Variants in WNT7B observed in about 807,000 individuals in gnomAD.
WNT7B encodes the protein protein Wnt-7b.
Under a neutral mutation model 38.2 loss-of-function variants are expected in WNT7B, and 19 were observed. The observed-to-expected ratio is 0.50, with a 90% CI of 0.35 to 0.73. The LOEUF is 0.73. Among genes scored for constraint, WNT7B ranks in the 30% least tolerant of loss-of-function variants. WNT7B has a pLI of 0.01. For synonymous variants in WNT7B, 243 were observed against 209.3 expected, an observed-to-expected ratio of 1.16 and a Z score of -1.39; for missense variants, 423 against 507.9, an observed-to-expected ratio of 0.83 and a Z score of 1.61.
intron 1 of WNT7B, among the ~76,000 whole-genome samples, chr22:45,960,664 G>A (rs1932175780): frequency 6.6e-6 from 1 of 152,222 alleles, no homozygotes; most frequent in South Asian, 2.1e-4. Flanking sequence ...GCATCTTCTG[G>A]CAAAAATATC....
At chr22:45,948,827 CTTTTTTTTTTTTTTTTTTTT>C (rs749735538) in intron 2 of WNT7B, among the ~76,000 whole-genome samples, 2 of 90,102 alleles carry the variant, frequency 2.2e-5, no homozygotes, top group Non-Finnish European at 4.3e-5. Context: ...CCAAAGATCC[CTTTTTTTTTTTTTTTTTTTT>C]TTTTTTTTTT....
At chr22:45,959,883 C>T (rs1009441269) in intron 1 of WNT7B, among the ~76,000 whole-genome samples, 2 of 152,198 alleles carry the variant, frequency 1.3e-5, no homozygotes. Flanking sequence ...CTTCCTGGAA[C>T]CCAGCTGGAG....
chr22:45,962,461 C>A (rs1270968408), intron 1 of WNT7B, among the ~76,000 whole-genome samples: 1 of 152,198 alleles, frequency 6.6e-6, no homozygotes, highest in African/African-American at 2.4e-5. Context: ...CCTCCAGGGG[C>A]AGGTACCTTG....
intron 2 of WNT7B, among the ~76,000 whole-genome samples, chr22:45,939,654 C>CACAT (rs1333188722): frequency 6.6e-6 from 1 of 151,832 alleles, no homozygotes; most frequent in African/African-American, 2.4e-5. Context: ...CACACTCACA[C>CACAT]ACACACACAC....
At chr22:45,971,788 G>A (rs1932446378) in intron 1 of WNT7B, among the ~76,000 whole-genome samples, 1 of 152,194 alleles carries the variant, frequency 6.6e-6, no homozygotes, top group Non-Finnish European at 1.5e-5. Context: ...TTAATATGGG[G>A]AGGGGTCCCC....
At position 45,922,964 on chromosome 22, in the gene WNT7B, G is replaced by A. The variant is rs780684809; in HGVS notation, c.942C>T (p.Asn314=). 5 of 1,613,426 alleles carry A rather than the reference G, an allele frequency of 3.1e-6. No homozygotes were observed. The South Asian group carries it at 3.3e-5, about 11-fold the overall frequency. The change falls in exon 4 of 4, where the codon AAC becomes AAT. Residue 314 remains asparagine, a synonymous_variant. Coordinates refer to ENST00000339464, the MANE Select transcript of WNT7B (RefSeq NM_058238.3). The stretch of plus-strand genomic sequence containing the variant: ...GCCACACCTTGGTGTACTGGTGGGT[G>A]TTGTAGCCTCGGCCGCAGCACATGG... ...CDTMCCGRGY[N]THQYTKVWQC...
rs1932536364 is a variant in WNT7B at position 45,975,726 on chromosome 22, C to CGGCGCACAGTA, written c.71+947_71+957dup. 1 of 457,294 alleles carries CGGCGCACAGTA rather than the reference C, an allele frequency of 2.2e-6. No homozygotes were observed. The highest frequency in any genetic ancestry group is 4.1e-5 in the South Asian group (1 of 24,556). The allele number at this position is 457,294 out of a possible 1,614,324, so 28.3% of individuals were successfully genotyped here. Reference sequence around the variant, plus strand: ...ACGGGGCTCGCCTCGGGGCAGCCGGCGGCGCACAGTAGGCGCGCAGGGCGC... The same window carrying CGGCGCACAGTA: ...ACGGGGCTCGCCTCGGGGCAGCCGGCGGCGCACAGTAGGCGCACAGTAGGCGCGCAGGGCGC... On this transcript the variant is annotated intron_variant, in intron 1 of 3. Coordinates refer to ENST00000339464, the MANE Select transcript of WNT7B (RefSeq NM_058238.3). The surrounding 1 kb of genome is among the most constrained non-coding windows in gnomAD (Gnocchi z 6.6).
chr22:45,933,104 C>T lies in WNT7B; in HGVS notation c.299-1735G>A, dbSNP rs557469537. Among the ~76,000 whole-genome samples the T allele has an allele frequency of 4.1e-4, 62 of 152,284 alleles. 1 individual carries two copies. Among genetic ancestry groups the T allele is most frequent in the African/African-American group, 1.4e-3 (60 of 41,566 alleles). ...CCTCTTCCCCTAGGGTATCTTCCAT[C>T]AGGGTGAGGACTGGGATGGGGCCCA... On this transcript the variant is annotated intron_variant, in intron 2 of 3. Transcript: ENST00000339464.
chr22:45,964,678 G>A (rs897722662), intron 1 of WNT7B, among the ~76,000 whole-genome samples: 1 of 152,160 alleles, frequency 6.6e-6, no homozygotes, highest in Non-Finnish European at 1.5e-5. Flanking sequence ...CACAGGCTCT[G>A]CCACCCCTGG....
At position 45,964,859 on chromosome 22, in the gene WNT7B, C is replaced by T. The variant is rs181618745; in HGVS notation, c.71+11825G>A. On this transcript the variant is annotated intron_variant, in intron 1 of 3. Coordinates refer to ENST00000339464, the MANE Select transcript of WNT7B (RefSeq NM_058238.3). The stretch of plus-strand genomic sequence containing the variant: ...CTGGCCAAGCACACTCCCTTGGCAC[C>T]GCTGCCACCAGATGGTCCTACAGAC... 4.6e-4 allele frequency among the ~76,000 whole-genome samples: 70 copies of T among 152,298 alleles called. 2 individuals carry two copies. The highest frequency in any genetic ancestry group is 2.6e-3 in the Admixed American group (40 of 15,306).
At chr22:45,970,606 T>C (rs960048993) in intron 1 of WNT7B, among the ~76,000 whole-genome samples, 8 of 150,304 alleles carry the variant, frequency 5.3e-5, no homozygotes, top group African/African-American at 2.0e-4. Context: ...CACCTCTCTA[T>C]GAACACCGAA....
chr22:45,962,899 G>A (rs2146746689), intron 1 of WNT7B, among the ~76,000 whole-genome samples: 2 of 152,362 alleles, frequency 1.3e-5, no homozygotes, highest in Middle Eastern at 6.8e-3. Flanking sequence ...GAGAGAGCTG[G>A]CAGGCCCCAT....
intron 3 of WNT7B, among the ~76,000 whole-genome samples, chr22:45,924,589 C>T (rs983393932): frequency 3.3e-5 from 5 of 152,228 alleles, no homozygotes; most frequent in Admixed American, 6.5e-5. Context: ...TCAACATGAG[C>T]GAAGGTCTGG....
Position 45,965,347 on chromosome 22 carries a change from G to A in WNT7B, c.71+11337C>T, listed in dbSNP as rs910368758. Among the ~76,000 whole-genome samples the A allele has an allele frequency of 6.6e-5, 10 of 152,318 alleles. No homozygotes were observed. The highest frequency in any genetic ancestry group is 2.1e-4 in the South Asian group (1 of 4,824). ...TGTCAACGACGCTGGAAGGCAGGGC[G>A]GTAGGGACTTTCCTTCCCAGTCACA... On this transcript the variant is annotated intron_variant, in intron 1 of 3. Coordinates refer to ENST00000339464, the MANE Select transcript of WNT7B (RefSeq NM_058238.3). This position sits in a 1 kb window ranked among gnomAD's most constrained non-coding sequence, Gnocchi z 6.5.
chr22:45,959,175 G>A (rs936491993), intron 1 of WNT7B, among the ~76,000 whole-genome samples: 4 of 152,208 alleles, frequency 2.6e-5, no homozygotes, highest in Non-Finnish European at 5.9e-5. Flanking sequence ...CAGAGGCCCC[G>A]CCTGTGCAGG....
At chr22:45,930,953 C>G (rs1931328803) in intron 3 of WNT7B, 145 bp downstream of exon 3, 3 of 1,146,772 alleles carry the variant, frequency 2.6e-6, no homozygotes, top group Admixed American at 6.0e-5. Flanking sequence ...GAGCCATGCA[C>G]GTGGAGGACC....
At chr22:45,931,441 C>A in intron 2 of WNT7B, 72 bp from the exon 3 acceptor site, 1 of 1,465,610 alleles carries the variant, frequency 6.8e-7, no homozygotes, top group South Asian at 1.4e-5. Context: ...GACAGGGTGC[C>A]GGGCCTCGAT....
chr22:45,944,646 G>C (rs1931751441), intron 2 of WNT7B, among the ~76,000 whole-genome samples: 3 of 152,226 alleles, frequency 2.0e-5, no homozygotes, highest in African/African-American at 7.2e-5. Flanking sequence ...GACCACCAAG[G>C]TGTGGCCAGC....
chr22:45,923,918 C>A (rs931275358), intron 3 of WNT7B, among the ~76,000 whole-genome samples: 1 of 152,204 alleles, frequency 6.6e-6, no homozygotes, highest in African/African-American at 2.4e-5. Context: ...CAGCGAGGCC[C>A]GGGCATGCTG....
Sources: gnomAD v4.1 joint callset for allele counts (sites outside exome capture counted in the v4.1 genomes callset) on GRCh38, gnomAD v4.1.1 for gene constraint, Gnocchi (gnomAD v3.1) non-coding constraint, MANE v1.5 for transcripts, NCBI Gene and HGNC (gene_info 2026-07-23, HGNC 2026-07-21) for gene names.